MTIF2: variants seen among roughly 807,000 people sequenced by gnomAD.
The protein encoded by MTIF2 is translation initiation factor IF-2, mitochondrial.
In MTIF2, 71 loss-of-function variants were observed where a neutral mutation model predicts 83.5. The observed-to-expected ratio is 0.85, with a 90% confidence interval of 0.70 to 1.04. MTIF2 has a LOEUF of 1.04. Among genes scored for constraint, MTIF2 ranks in the 50% least tolerant of loss-of-function variants. The pLI, the probability that MTIF2 is intolerant of heterozygous loss-of-function variation, is 0.00. For synonymous variants in MTIF2, 319 were observed against 287.1 expected, an observed-to-expected ratio of 1.11 and a Z score of -1.12; for missense variants, 957 against 846.5, an observed-to-expected ratio of 1.13 and a Z score of -1.62.
intron 13 of MTIF2, among the ~76,000 whole-genome samples, chr2:55,241,243 C>CA (rs1676280947): frequency 6.6e-6 from 1 of 151,000 alleles, no homozygotes; most frequent in Non-Finnish European, 1.5e-5. Context: ...CATGGTGACA[C>CA]CCTGTCTCTA....
Position 55,243,539 on chromosome 2 carries a change from A to G in MTIF2, c.1441T>C (p.Tyr481His), listed in dbSNP as rs1438683426. 6.2e-7 allele frequency: 1 copy of G among 1,614,036 alleles called. No individual in the cohort carries two copies. The highest frequency in any genetic ancestry group is 2.2e-5 in the East Asian group (1 of 44,866). ...CTCTTCTTCCACAGTAGATGGCCATACTTCTCACGGGCTTTCTGATGTGCT... is the reference window on the plus strand; with the variant it reads ...CTCTTCTTCCACAGTAGATGGCCATGCTTCTCACGGGCTTTCTGATGTGCT... ...KEAHQKAREK[Y>H]GHLLWKKRSI... is the part of the protein sequence containing the mutation. The change falls in exon 12 of 16, where the codon TAT (tyrosine) becomes CAT (histidine). Residue 481 changes from tyrosine (Y) to histidine (H), a missense_variant. Tyr to His is a moderately conservative substitution (Grantham distance 83, BLOSUM62 2). Around this residue, in one of 3 missense-constraint regions of MTIF2, gnomAD observed 733 missense variants for 648.7 expected, o/e 1.13. Coordinates refer to ENST00000263629, the MANE Select transcript of MTIF2 (RefSeq NM_002453.3).
At chr2:55,241,879 G>T (rs900754023) in intron 13 of MTIF2, among the ~76,000 whole-genome samples, 3 of 152,048 alleles carry the variant, frequency 2.0e-5, no homozygotes, top group African/African-American at 4.8e-5. Context: ...TAGGCACAAC[G>T]GCTCATGCCT....
At chr2:55,252,969 G>A (rs774143102) in intron 7 of MTIF2, among the ~76,000 whole-genome samples, 4 of 152,066 alleles carry the variant, frequency 2.6e-5, no homozygotes, top group Non-Finnish European at 5.9e-5. Flanking sequence ...TGTACAGGCA[G>A]CCACCCTCAC....
chr2:55,241,879 G>A (rs900754023), intron 13 of MTIF2, among the ~76,000 whole-genome samples: 6 of 152,048 alleles, frequency 3.9e-5, no homozygotes, highest in Non-Finnish European at 7.4e-5. Context: ...TAGGCACAAC[G>A]GCTCATGCCT....
chr2:55,249,256 A>G (rs1676919094), intron 9 of MTIF2, 139 bp downstream of exon 9: 1 of 1,083,192 alleles, frequency 9.2e-7, no homozygotes, highest in Non-Finnish European at 1.3e-6. Flanking sequence ...AGATAATACC[A>G]TCTTTGCCTG....
intron 3 of MTIF2, among the ~76,000 whole-genome samples, 190 bp from the exon 4 acceptor site, chr2:55,264,055 A>G (rs1678245679): frequency 1.3e-5 from 2 of 152,204 alleles, no homozygotes; most frequent in African/African-American, 4.8e-5. Flanking sequence ...AGTACTCTCT[A>G]AATACTAGCT....
intron 8 of MTIF2, among the ~76,000 whole-genome samples, chr2:55,251,347 A>C (rs2104383838): frequency 6.6e-6 from 1 of 152,274 alleles, no homozygotes; most frequent in Middle Eastern, 3.4e-3. Context: ...GGAATTAAAA[A>C]GAAAAGAGAA....
At chr2:55,246,545 A>C (rs2589081) in intron 9 of MTIF2, 84 bp from the exon 10 acceptor site, 1,096,389 of 1,142,966 alleles carry the variant, frequency 0.96, 526,259 homozygotes, top group African/African-American at 0.99. Context: ...GTCACATAAT[A>C]CTTGCAAGTT....
intron 3 of MTIF2, among the ~76,000 whole-genome samples, chr2:55,266,765 T>C (rs959279646): frequency 9.7e-6 from 1 of 103,232 alleles, no homozygotes; most frequent in Non-Finnish European, 1.9e-5. Flanking sequence ...ATTTCATTCT[T>C]TTTTTTTTTT....
intron 5 of MTIF2, among the ~76,000 whole-genome samples, chr2:55,255,769 T>G (rs1293549074): frequency 2.6e-5 from 4 of 152,042 alleles, no homozygotes; most frequent in Non-Finnish European, 5.9e-5. Context: ...GCTGAAACAG[T>G]GTCACCTCAT....
intron 13 of MTIF2, among the ~76,000 whole-genome samples, chr2:55,241,624 C>T (rs923702094): frequency 6.6e-6 from 1 of 152,230 alleles, no homozygotes; most frequent in Non-Finnish European, 1.5e-5. Flanking sequence ...GGGTGGATCA[C>T]GTGAGGTCAG....
At chr2:55,249,986 G>C (rs1309119420) in intron 8 of MTIF2, among the ~76,000 whole-genome samples, 1 of 152,064 alleles carries the variant, frequency 6.6e-6, no homozygotes, top group South Asian at 2.1e-4. Context: ...CCAGCTACTT[G>C]GGAGCCTGAG....
intron 5 of MTIF2, among the ~76,000 whole-genome samples, chr2:55,255,398 TATATATA>T (rs1457876477): frequency 7.5e-5 from 11 of 146,378 alleles, no homozygotes; most frequent in African/African-American, 2.0e-4. Flanking sequence ...TATATAGTAT[TATATATA>T]ATATATATTT....
intron 5 of MTIF2, among the ~76,000 whole-genome samples, chr2:55,256,666 G>A (rs1030073068): frequency 1.3e-5 from 2 of 149,958 alleles, no homozygotes; most frequent in South Asian, 2.2e-4. Flanking sequence ...ACGCCACTGC[G>A]CTCCAGCCTG....
chr2:55,249,308 T>A, intron 9 of MTIF2, 87 bp downstream of exon 9: 1 of 1,484,820 alleles, frequency 6.7e-7, no homozygotes, highest in Non-Finnish European at 9.1e-7. Context: ...ATTATGTACA[T>A]CAAAATGTTC....
rs75917411 is a variant in MTIF2, at chr2:55,268,644, T to C, written c.-141A>G. ...AAGGGTCAAAAAAGCTTCTCCAATG[T>C]CATACCGCTAGTTAATGGCAGTCAA... On this transcript the variant is annotated 5_prime_UTR_variant, in exon 2 of 16. Coordinates refer to ENST00000263629, the MANE Select transcript of MTIF2 (RefSeq NM_002453.3). The C allele has an allele frequency of 2.6e-5, 4 of 152,292 alleles. No individual in the cohort carries two copies. Among genetic ancestry groups the C allele is most frequent in the Non-Finnish European group, 4.4e-5 (3 of 68,112 alleles). 9.4% of individuals were successfully genotyped at this position (152,292 alleles called of 1,614,324 possible).
At position 55,240,127 on chromosome 2, in the gene MTIF2, G is replaced by A. The variant is rs1558549489; in HGVS notation, c.1754C>T (p.Ser585Leu). The A allele has an allele frequency of 1.2e-6, 2 of 1,613,750 alleles. No individual in the cohort carries two copies. Among genetic ancestry groups the A allele is most frequent in the Non-Finnish European group, 1.7e-6 (2 of 1,179,872 alleles). Residue 585 changes from serine (S) to leucine (L), a missense_variant, in exon 14 of 16, where the codon TCA becomes TTA. By Grantham distance (145) the Ser-to-Leu change is moderately radical. This residue lies in a region of MTIF2 where 221 missense variants were observed against 180.6 expected (regional missense o/e 1.22). Transcript: ENST00000263629. ...AATTTTTACTCCTTTTTTTGCAGCT[G>A]ACTGTTGGATAACATTGCCTGCATT... ...NVNAGNVIQQ[S>L]AAKKGVKIKL... is the part of the protein sequence containing the mutation.
chr2:55,263,583 CG>C lies in MTIF2; in HGVS notation c.219+56del, dbSNP rs1404360891. The C allele has an allele frequency of 3.6e-6, 5 of 1,377,340 alleles. No individual in the cohort carries two copies. In the Admixed American group the frequency reaches 1.1e-4, roughly 30 times the overall value. The allele number at this position is 1,377,340 out of a possible 1,614,324, so 85.3% of individuals were successfully genotyped here. A position where few individuals can be genotyped will look rare whatever the true frequency, so the allele number is the denominator to read the frequency against. Reference sequence around the variant, plus strand: ...TGAGATCGCGCCACGGCACTCCAGCCGGGGTGACAGGGTGAGACTCCATCTC... The same window carrying C: ...TGAGATCGCGCCACGGCACTCCAGCCGGGTGACAGGGTGAGACTCCATCTC... On this transcript the variant is annotated intron_variant, in intron 4 of 15. Coordinates refer to ENST00000263629, the MANE Select transcript of MTIF2 (RefSeq NM_002453.3).
At chr2:55,253,577 G>A (rs564035423) in intron 7 of MTIF2, among the ~76,000 whole-genome samples, 1 of 152,138 alleles carries the variant, frequency 6.6e-6, no homozygotes, top group Non-Finnish European at 1.5e-5. Context: ...AACACTTTGG[G>A]AGGCTGAGGC....
Sources: gnomAD v4.1 joint callset for allele counts (sites outside exome capture counted in the v4.1 genomes callset) on GRCh38, gnomAD v4.1.1 for gene constraint, gnomAD v4.1.1 regional missense constraint, MANE v1.5 for transcripts, NCBI Gene and HGNC (gene_info 2026-07-23, HGNC 2026-07-21) for gene names.